Variants in PC observed in about 807,000 individuals in gnomAD.
The protein encoded by PC is pyruvate carboxylase.
PC carries 46 observed loss-of-function variants against 107.8 expected under a neutral mutation model. That is an observed-to-expected ratio of 0.43 (90% CI 0.34 to 0.55). PC has a LOEUF of 0.55. Among genes scored for constraint, PC ranks in the 20% least tolerant of loss-of-function variants. The probability of loss-of-function intolerance (pLI) is 0.04; values close to 1 mark genes in which losing one functional copy is unlikely to be tolerated. For missense variants in PC, 1,241 were observed against 1,643.1 expected (o/e 0.76, Z 4.23); for synonymous variants, 662 against 684.7 (o/e 0.97, Z 0.52).
At chr11:66,893,093 A>T (rs1017608594) in intron 3 of PC, among the ~76,000 whole-genome samples, 1 of 152,172 alleles carries the variant, frequency 6.6e-6, no homozygotes, top group African/African-American at 2.4e-5. Flanking sequence ...GACCTGAAAG[A>T]TGAGATTCTG....
In PC at chr11:66,872,072, G is replaced by A. The variant is rs200671287; in HGVS notation, c.88C>T (p.Arg30Trp). The A allele has an allele frequency of 1.3e-5, 20 of 1,565,816 alleles. No individual in the cohort carries two copies. The highest frequency in any genetic ancestry group is 1.7e-4 in the Middle Eastern group (1 of 6,030). ...STAPAASPNV[R>W]RLEYKPIKKV... is the part of the protein sequence containing the mutation. The stretch of plus-strand genomic sequence containing the variant: ...TTGATGGGCTTATACTCCAGGCGCC[G>A]GACATTTGGGGAGGCAGCGGGGGCG... Residue 30 changes from arginine to tryptophan, a missense_variant, in exon 4 of 23, where the codon CGG (arginine) becomes TGG (tryptophan). By Grantham distance (101) the Arg-to-Trp change is moderately radical. Around this residue, in one of 2 missense-constraint regions of PC, gnomAD observed 1,143 missense variants for 1,551.9 expected, o/e 0.74. Transcript: ENST00000393960.
intron 3 of PC, among the ~76,000 whole-genome samples, chr11:66,939,729 G>A (rs145600144): frequency 0.016 from 2,418 of 150,462 alleles, 70 homozygotes; most frequent in African/African-American, 0.057. Context: ...ACTTGAACCC[G>A]GGAGGCAGAG....
chr11:66,851,299 C>G lies in PC; in HGVS notation c.1983-19G>C. On this transcript the variant is annotated intron_variant, in intron 16 of 22. Coordinates refer to ENST00000393960, the MANE Select transcript of PC (RefSeq NM_001040716.2). ...ACAGAACCTGCAAGGGTGAGAGAGC[C>G]CAGGGCTGAGCCCCACCCCACCTCC... 1 of 1,599,682 alleles carries G rather than the reference C, an allele frequency of 6.3e-7. No individual in the cohort carries two copies. The highest frequency in any genetic ancestry group is 8.5e-7 in the Non-Finnish European group (1 of 1,179,936).
intron 12 of PC, chr11:66,860,381 C>T (rs775902775): frequency 8.2e-6 from 7 of 858,520 alleles, no homozygotes; most frequent in Admixed American, 8.0e-5. Context: ...AGGGCAGGCC[C>T]CTCCAACAGG....
Position 66,868,877 on chromosome 11 carries a change from C to A in PC, c.991G>T (p.Val331Leu). Residue 331 changes from valine (V) to leucine (L), a missense_variant, in exon 10 of 23, where the codon GTG becomes TTG. This residue lies in a region of PC where 1,143 missense variants were observed against 1,551.9 expected (regional missense o/e 0.74). Transcript: ENST00000393960. ...YFIEVNSRLQ[V>L]EHTVTEEITD... ...ATCTCCTCTGTGACCGTGTGCTCCA[C>A]CTGCAGGCGGGAGTTGACCTCGATG... 1 of 1,613,826 alleles carries A rather than the reference C, an allele frequency of 6.2e-7. No individual in the cohort carries two copies. Among genetic ancestry groups the A allele is most frequent in the Non-Finnish European group, 8.5e-7 (1 of 1,179,930 alleles).
Position 66,848,943 on chromosome 11 carries a change from C to T in PC, c.3493G>A (p.Asp1165Asn). 6.2e-7 allele frequency: 1 copy of T among 1,614,036 alleles called. No individual in the cohort carries two copies. Among genetic ancestry groups the T allele is most frequent in the Middle Eastern group, 1.6e-4 (1 of 6,062 alleles). ...GTVRKVHVTK[D>N]MTLEGDDLIL... is the part of the protein sequence containing the mutation. ...AGGTCGTCACCTTCCAGTGTCATGT[C>T]CTTGGTCACATGAACCTTGCGGACA... Residue 1165 changes from aspartate to asparagine, a missense_variant, in exon 23 of 23, where the codon GAC becomes AAC. By Grantham distance (23) the Asp-to-Asn change is conservative. Transcript: ENST00000393960.
intron 3 of PC, among the ~76,000 whole-genome samples, chr11:66,872,748 G>A (rs1415989412): frequency 6.6e-6 from 1 of 151,816 alleles, no homozygotes; most frequent in Non-Finnish European, 1.5e-5. Flanking sequence ...AAAAATAAAA[G>A]TATCAGGTTG....
At chr11:66,854,661 C>T (rs777041770) in intron 12 of PC, among the ~76,000 whole-genome samples, 7 of 152,142 alleles carry the variant, frequency 4.6e-5, no homozygotes, top group Non-Finnish European at 5.9e-5. Flanking sequence ...CACCTCCACG[C>T]GTCACTTATT....
chr11:66,899,664 G>T (rs1446940936), intron 3 of PC, among the ~76,000 whole-genome samples: 2 of 152,232 alleles, frequency 1.3e-5, no homozygotes, highest in East Asian at 3.8e-4. Context: ...CTAGATACAA[G>T]TTCCTTGTTA....
At position 66,954,237 on chromosome 11, in the gene PC, A is replaced by G. The variant is rs1476937057; in HGVS notation, c.-40+12T>C. On this transcript the variant is annotated intron_variant, in intron 2 of 22. Coordinates refer to ENST00000393960, the MANE Select transcript of PC (RefSeq NM_001040716.2). The stretch of plus-strand genomic sequence containing the variant: ...CTAATCTCACTATGGGGGCTGACAC[A>G]GAAGAGGGTACCTGCGGAGGCAAAT... 6.6e-6 allele frequency: 1 copy of G among 152,264 alleles called. No individual in the cohort carries two copies. Among genetic ancestry groups the G allele is most frequent in the African/African-American group, 2.4e-5 (1 of 41,458 alleles). 9.4% of individuals were successfully genotyped at this position (152,264 alleles called of 1,614,324 possible). A position where few individuals can be genotyped will look rare whatever the true frequency, so the allele number is the denominator to read the frequency against.
chr11:66,948,057 AGATAGAT>A (rs1949347011), intron 3 of PC, among the ~76,000 whole-genome samples: 2 of 149,948 alleles, frequency 1.3e-5, no homozygotes, highest in Non-Finnish European at 1.5e-5. Context: ...ATAGATAGAT[AGATAGAT>A]ATGCCAGGCG....
At chr11:66,884,617 A>C (rs187302213) in intron 3 of PC, among the ~76,000 whole-genome samples, 1 of 152,292 alleles carries the variant, frequency 6.6e-6, no homozygotes, top group East Asian at 1.9e-4. Context: ...GTCAGCAAAA[A>C]GCACCTCCCA....
chr11:66,852,862 A>C lies in PC; in HGVS notation c.1514-26T>G, dbSNP rs1019726834. 3 of 1,377,552 alleles carry C rather than the reference A, an allele frequency of 2.2e-6. No homozygotes were observed. Among genetic ancestry groups the C allele is most frequent in the Non-Finnish European group, 3.0e-6 (3 of 993,446 alleles). 85.3% of individuals were successfully genotyped at this position (1,377,552 alleles called of 1,614,324 possible). On this transcript the variant is annotated intron_variant, in intron 13 of 22. Transcript: ENST00000393960. The surrounding 1 kb of genome is among the most constrained non-coding windows in gnomAD (Gnocchi z 4.7). ...CTGGGGAGAAAGCGGGCAGTGGGTC[A>C]GGGTGGGCTGGGCAGAGGCTGAGTC... is the stretch of plus-strand genomic sequence containing the variant.
intron 3 of PC, among the ~76,000 whole-genome samples, chr11:66,897,153 C>T (rs1947789979): frequency 1.3e-5 from 2 of 152,044 alleles, no homozygotes; most frequent in Admixed American, 6.6e-5. Flanking sequence ...AGGCTGGTCT[C>T]GAGCTCCTGA....
At chr11:66,888,158 CT>C (rs1228942657) in intron 3 of PC, among the ~76,000 whole-genome samples, 1 of 152,208 alleles carries the variant, frequency 6.6e-6, no homozygotes, top group Non-Finnish European at 1.5e-5. Flanking sequence ...GGATTAGGAC[CT>C]GGGTACCTTT....
At position 66,849,845 on chromosome 11, in the gene PC, C is replaced by T. The variant is rs1463068002; in HGVS notation, c.2913G>A (p.Leu971=). The T allele has an allele frequency of 1.2e-6, 2 of 1,613,764 alleles. No homozygotes were observed. The highest frequency in any genetic ancestry group is 1.7e-6 in the Non-Finnish European group (2 of 1,180,022). ...EPFRSKVLKD[L]PRVEGRPGAS... is the part of the protein sequence containing the mutation. Reference sequence around the variant, plus strand: ...CTCCAGGCCGCCCCTCCACCCTTGGCAGGTCCTTCAGTACCTGGGGAGCAA... The same window carrying T: ...CTCCAGGCCGCCCCTCCACCCTTGGTAGGTCCTTCAGTACCTGGGGAGCAA... Residue 971 remains leucine, a synonymous_variant, in exon 21 of 23, where the codon CTG becomes CTA. Transcript: ENST00000393960.
In PC at chr11:66,852,636, T is replaced by C. The variant is rs1206157866; in HGVS notation, c.1628A>G (p.Asp543Gly). The change falls in exon 15 of 23, where the codon GAC becomes GGC. Residue 543 changes from aspartate to glycine, a missense_variant. Physicochemically the swap from Asp to Gly is moderately conservative, Grantham distance 94 (BLOSUM62 -1). Around this residue, in one of 2 missense-constraint regions of PC, gnomAD observed 1,143 missense variants for 1,551.9 expected, o/e 0.74. Coordinates refer to ENST00000393960, the MANE Select transcript of PC (RefSeq NM_001040716.2). The surrounding 1 kb of genome is among the most constrained non-coding windows in gnomAD (Gnocchi z 4.7). Reference protein sequence around the residue: ...PIGPPPAGFRDILLREGPEGF... With the variant: ...PIGPPPAGFRGILLREGPEGF... ...CTCAGGCCCCTCTCGCAGCAGGATG[T>C]CTCTGAAACCAGCCGGGGGCGGGCC... 13 of 1,613,664 alleles carry C rather than the reference T, an allele frequency of 8.1e-6. No individual in the cohort carries two copies. Among genetic ancestry groups the C allele is most frequent in the Non-Finnish European group, 9.3e-6 (11 of 1,179,780 alleles).
At chr11:66,945,852 C>T (rs367605909) in intron 3 of PC, among the ~76,000 whole-genome samples, 2 of 138,998 alleles carry the variant, frequency 1.4e-5, no homozygotes, top group South Asian at 2.2e-4. Flanking sequence ...TTTGGGAGGC[C>T]GAGGCGGGTG....
intron 3 of PC, among the ~76,000 whole-genome samples, chr11:66,902,641 G>A (rs1171403438): frequency 6.6e-6 from 1 of 152,048 alleles, no homozygotes; most frequent in African/African-American, 2.4e-5. Context: ...CTCCCTGCCT[G>A]CCAACCTCAG....
Sources: gnomAD v4.1 joint callset for allele counts (sites outside exome capture counted in the v4.1 genomes callset) on GRCh38, gnomAD v4.1.1 for gene constraint, gnomAD v4.1.1 regional missense constraint, Gnocchi (gnomAD v3.1) non-coding constraint, MANE v1.5 for transcripts, NCBI Gene and HGNC (gene_info 2026-07-23, HGNC 2026-07-21) for gene names.